Variants in IL33 observed in about 807,000 individuals in gnomAD.
The protein encoded by IL33 is interleukin 33.
Under a neutral mutation model 27.3 loss-of-function variants are expected in IL33, and 37 were observed. The observed-to-expected ratio is 1.36, with a 90% CI of 1.04 to 1.78. IL33 has a LOEUF of 1.78. Ranked by LOEUF, IL33 falls within the 40% of genes most tolerant of loss-of-function variation. The probability of loss-of-function intolerance (pLI) is 0.00; values close to 1 mark genes in which losing one functional copy is unlikely to be tolerated. For synonymous variants in IL33, 132 were observed against 102.9 expected (o/e 1.28, Z -1.71); for missense variants, 406 against 311.4 (o/e 1.30, Z -2.29).
In IL33 at chr9:6,219,625, T is replaced by G. The variant is rs1034164651; in HGVS notation, c.-12+3773T>G. Among the ~76,000 whole-genome samples the G allele has an allele frequency of 3.3e-5, 5 of 152,100 alleles. No individual in the cohort carries two copies. In the South Asian group the frequency reaches 1.0e-3, roughly 32 times the overall value. On this transcript the variant is annotated intron_variant, in intron 1 of 7. Transcript: ENST00000682010. Reference sequence around the variant, plus strand: ...CTTACTTAACTTTCCTGAGCCTGAATTTTTTTCTCTTGTGTAAAATGTGAA... The same window carrying G: ...CTTACTTAACTTTCCTGAGCCTGAAGTTTTTTCTCTTGTGTAAAATGTGAA...
intron 1 of IL33, among the ~76,000 whole-genome samples, chr9:6,225,204 G>C (rs533716398): frequency 6.6e-6 from 1 of 152,138 alleles, no homozygotes; most frequent in Admixed American, 6.5e-5. Flanking sequence ...AGTTTCATTG[G>C]TTCCTGGTGA....
chr9:6,229,287 G>T (rs1818813272), intron 1 of IL33, among the ~76,000 whole-genome samples: 2 of 152,160 alleles, frequency 1.3e-5, no homozygotes, highest in South Asian at 4.1e-4. Flanking sequence ...ATCTACCTTT[G>T]CTTCTTCAAA....
intron 1 of IL33, among the ~76,000 whole-genome samples, chr9:6,237,130 C>A (rs1458561302): frequency 3.3e-5 from 5 of 152,120 alleles, no homozygotes; most frequent in Admixed American, 3.3e-4. Context: ...GAGACCAGCA[C>A]TTTATAAATT....
In IL33 at chr9:6,257,634, T is replaced by A. The variant is rs1816814907; in HGVS notation, c.*1466T>A. On this transcript the variant is annotated 3_prime_UTR_variant, in exon 8 of 8. Transcript: ENST00000682010. ...TAACACTTATGATAAATGACTAACA[T>A]AGTAACAGAATCTTTATGAAATATG... 1 of 152,710 alleles carries A rather than the reference T, an allele frequency of 6.5e-6. No individual in the cohort carries two copies. Among genetic ancestry groups the A allele is most frequent in the South Asian group, 2.1e-4 (1 of 4,830 alleles). 9.5% of individuals were successfully genotyped at this position (152,710 alleles called of 1,614,324 possible). A position where few individuals can be genotyped will look rare whatever the true frequency, so the allele number is the denominator to read the frequency against.
intron 2 of IL33, among the ~76,000 whole-genome samples, chr9:6,247,856 T>C (rs954515489): frequency 2.0e-5 from 3 of 151,968 alleles, no homozygotes; most frequent in African/African-American, 7.3e-5. Flanking sequence ...ACCCCCATCC[T>C]TGAACTATAA....
intron 1 of IL33, among the ~76,000 whole-genome samples, chr9:6,231,845 G>C (rs1371356389): frequency 6.6e-6 from 1 of 152,146 alleles, no homozygotes; most frequent in Non-Finnish European, 1.5e-5. Context: ...TCTTTTCAGA[G>C]AATTTACTCT....
At position 6,257,561 on chromosome 9, in the gene IL33, TTTTTA is replaced by T. The variant is rs1188438427; in HGVS notation, c.*1399_*1403del. The T allele has an allele frequency of 6.6e-6, 1 of 152,618 alleles. No homozygotes were observed. The highest frequency in any genetic ancestry group is 1.5e-5 in the Non-Finnish European group (1 of 68,038). 9.5% of individuals were successfully genotyped at this position (152,618 alleles called of 1,614,324 possible). A position where few individuals can be genotyped will look rare whatever the true frequency, so the allele number is the denominator to read the frequency against. On this transcript the variant is annotated 3_prime_UTR_variant, in exon 8 of 8. Coordinates refer to ENST00000682010, the MANE Select transcript of IL33 (RefSeq NM_033439.4). ...CATTTTTTAACTACTAAAGGAGTAG[TTTTTA>T]TTTTAAAGTCTTAGCAATTTCTATT...
At chr9:6,251,036 G>A in intron 3 of IL33, 104 bp from the exon 4 acceptor site, 1 of 1,473,136 alleles carries the variant, frequency 6.8e-7, no homozygotes, top group Non-Finnish European at 9.1e-7. Flanking sequence ...AAGCCCTGGA[G>A]TCAATCACTA....
intron 5 of IL33, 31 bp from the exon 6 acceptor site, chr9:6,253,521 C>T: frequency 6.4e-7 from 1 of 1,551,138 alleles, no homozygotes; most frequent in Non-Finnish European, 8.9e-7. Context: ...AATTGTGTCT[C>T]ACCAGAGGGA....
At chr9:6,220,579 A>T (rs772800745) in intron 1 of IL33, among the ~76,000 whole-genome samples, 1 of 152,186 alleles carries the variant, frequency 6.6e-6, no homozygotes, top group Non-Finnish European at 1.5e-5. Context: ...AGACCCAAAC[A>T]TGAACTTCCT....
intron 1 of IL33, among the ~76,000 whole-genome samples, chr9:6,225,151 A>G (rs1818573512): frequency 6.6e-6 from 1 of 152,190 alleles, no homozygotes; most frequent in African/African-American, 2.4e-5. Flanking sequence ...GAAGGAAACA[A>G]ATCAAGACTG....
At chr9:6,254,694 A>G in intron 7 of IL33, 141 bp downstream of exon 7, 1 of 395,894 alleles carries the variant, frequency 2.5e-6, no homozygotes, top group Non-Finnish European at 4.5e-6. Flanking sequence ...AAGCACAATC[A>G]CTTACTACAA....
intron 6 of IL33, 41 bp from the exon 7 acceptor site, chr9:6,254,421 A>T (rs766365717): frequency 3.5e-5 from 45 of 1,281,424 alleles, no homozygotes; most frequent in Admixed American, 1.8e-4. Flanking sequence ...AAGATGAGTT[A>T]CAGTTCTTAA....
intron 2 of IL33, among the ~76,000 whole-genome samples, chr9:6,243,553 C>T (rs1819655306): frequency 6.6e-6 from 1 of 152,126 alleles, no homozygotes; most frequent in Non-Finnish European, 1.5e-5. Flanking sequence ...TGGGGTTTCA[C>T]CAGGTTGGCC....
intron 1 of IL33, among the ~76,000 whole-genome samples, chr9:6,225,989 T>C (rs1818608020): frequency 6.6e-6 from 1 of 152,098 alleles, no homozygotes; most frequent in African/African-American, 2.4e-5. Context: ...AACTAATATA[T>C]GAAGATGTGG....
chr9:6,237,317 A>G (rs1352158014), intron 1 of IL33, among the ~76,000 whole-genome samples: 1 of 152,236 alleles, frequency 6.6e-6, no homozygotes, highest in Non-Finnish European at 1.5e-5. Context: ...TGATCAAGGC[A>G]AAGAATTTGC....
At position 6,251,244 on chromosome 9, in the gene IL33, C is replaced by T. The variant is rs150549797; in HGVS notation, c.322C>T (p.Leu108Phe). The T allele has an allele frequency of 7.9e-5, 128 of 1,613,678 alleles. 1 individual carries two copies. In the African/African-American group the frequency reaches 1.5e-3, roughly 18 times the overall value. Residue 108 changes from leucine to phenylalanine, a missense_variant, in exon 4 of 8, where the codon CTT becomes TTT. Leu to Phe is a conservative substitution (Grantham distance 22). Coordinates refer to ENST00000682010, the MANE Select transcript of IL33 (RefSeq NM_033439.4). ...ISGVQKYTRALHDSSITGISP... is the reference protein window; with the variant it reads ...ISGVQKYTRAFHDSSITGISP... The stretch of plus-strand genomic sequence containing the variant: ...AGGGGTCCAGAAATATACTAGAGCA[C>T]TTCATGATTCAAGTATCACAGGTAT...
At chr9:6,236,171 G>A (rs1291552090) in intron 1 of IL33, among the ~76,000 whole-genome samples, 1 of 152,028 alleles carries the variant, frequency 6.6e-6, no homozygotes, top group Non-Finnish European at 1.5e-5. Context: ...ATGATTGAAT[G>A]CTATTTATAA....
intron 1 of IL33, among the ~76,000 whole-genome samples, chr9:6,229,546 G>A (rs1489345142): frequency 2.0e-5 from 3 of 152,184 alleles, no homozygotes; most frequent in Non-Finnish European, 4.4e-5. Context: ...AAGTCAAAAT[G>A]GTGAAGTAGT....
Sources: gnomAD v4.1 joint callset for allele counts (sites outside exome capture counted in the v4.1 genomes callset) on GRCh38, gnomAD v4.1.1 for gene constraint, MANE v1.5 for transcripts, NCBI Gene and HGNC (gene_info 2026-07-23, HGNC 2026-07-21) for gene names.